Variants in DSCAML1 observed in about 807,000 individuals in gnomAD.
DSCAML1 encodes cell adhesion molecule DSCAML1.
Under a neutral mutation model 200.5 loss-of-function variants are expected in DSCAML1, and 38 were observed. The ratio of observed to expected loss-of-function variants is 0.19; its 90% CI spans 0.15 to 0.25. The LOEUF (loss-of-function observed/expected upper bound fraction) is 0.25, where lower values mean the gene tolerates loss of function less well. Ranked by LOEUF, DSCAML1 falls within the 10% of genes least tolerant of loss-of-function variation. The pLI, the probability that DSCAML1 is intolerant of heterozygous loss-of-function variation, is 1.00. For missense variants in DSCAML1, 2,223 were observed against 2,858.8 expected, an observed-to-expected ratio of 0.78 and a Z score of 5.07; for synonymous variants, 1,215 against 1,165.0, an observed-to-expected ratio of 1.04 and a Z score of -0.87.
At chr11:117,788,789 G>A (rs1043861917) in intron 1 of DSCAML1, among the ~76,000 whole-genome samples, 56 of 152,166 alleles carry the variant, frequency 3.7e-4, no homozygotes, top group African/African-American at 1.3e-3. Context: ...TAATTTCTTG[G>A]TGTTGCACAG....
chr11:117,430,683 G>T (rs376285001), intron 32 of DSCAML1, 39 bp downstream of exon 32: 14 of 1,570,372 alleles, frequency 8.9e-6, no homozygotes, highest in Non-Finnish European at 1.2e-5. Context: ...GGGCCAGGGG[G>T]CGGGGGGGCA....
At chr11:117,430,162 G>T (rs1259774554) in intron 32 of DSCAML1, among the ~76,000 whole-genome samples, 1 of 152,224 alleles carries the variant, frequency 6.6e-6, no homozygotes, top group East Asian at 1.9e-4. Flanking sequence ...AAGGGCATAT[G>T]CTCCGGCCAG....
intron 3 of DSCAML1, among the ~76,000 whole-genome samples, chr11:117,634,637 A>G (rs376179038): frequency 6.6e-6 from 1 of 152,216 alleles, no homozygotes; most frequent in South Asian, 2.1e-4. Context: ...ACAGTAGCTG[A>G]TCCACAGGCT....
intron 3 of DSCAML1, among the ~76,000 whole-genome samples, chr11:117,559,155 G>A (rs1410951434): frequency 1.4e-5 from 2 of 141,760 alleles, no homozygotes; most frequent in Admixed American, 6.9e-5. Context: ...AGAAAGAAAA[G>A]AAAGACACCA....
chr11:117,685,943 T>G (rs895468642), intron 3 of DSCAML1, among the ~76,000 whole-genome samples: 7 of 152,122 alleles, frequency 4.6e-5, no homozygotes, highest in African/African-American at 1.7e-4. Context: ...GGAAAGAGCT[T>G]GGGCCCCTGA....
chr11:117,797,559 C>T (rs2055607400), upstream of DSCAML1, among the ~76,000 whole-genome samples: 1 of 152,230 alleles, frequency 6.6e-6, no homozygotes, highest in Admixed American at 6.5e-5. Flanking sequence ...GGGACACGAG[C>T]TTCCTGCCTC....
chr11:117,623,282 T>A (rs2051977031), intron 3 of DSCAML1, among the ~76,000 whole-genome samples: 1 of 146,226 alleles, frequency 6.8e-6, no homozygotes, highest in Admixed American at 7.3e-5. Flanking sequence ...AGTGGCGTGA[T>A]CTCAGTTCAC....
In DSCAML1 at chr11:117,516,576, G is replaced by T. The variant is rs1441794301; in HGVS notation, c.1674C>A (p.Thr558=). ...NHRQVVFENG[T]LKLTDVQKGM... Reference sequence around the variant, plus strand: ...CCTTCTGCACGTCAGTCAGCTTGAGGGTCCCATTCTCAAACACCACCTGGC... The same window carrying T: ...CCTTCTGCACGTCAGTCAGCTTGAGTGTCCCATTCTCAAACACCACCTGGC... The change falls in exon 8 of 33, where the codon ACC becomes ACA. Residue 558 remains threonine, a synonymous_variant. Coordinates refer to ENST00000651296, the MANE Select transcript of DSCAML1 (RefSeq NM_020693.4). This position sits in a 1 kb window ranked among gnomAD's most constrained non-coding sequence, Gnocchi z 5.7. 6.2e-6 allele frequency: 10 copies of T among 1,614,036 alleles called. No individual in the cohort carries two copies. The highest frequency in any genetic ancestry group is 8.5e-6 in the Non-Finnish European group (10 of 1,180,006).
At chr11:117,715,174 GC>G (rs1296661561) in intron 3 of DSCAML1, among the ~76,000 whole-genome samples, 2 of 151,820 alleles carry the variant, frequency 1.3e-5, no homozygotes, top group Non-Finnish European at 2.9e-5. Flanking sequence ...TTTCTTCAGG[GC>G]TTTTTGGTTT....
Position 117,653,888 on chromosome 11 carries a change from C to T in DSCAML1, c.512-121366G>A, listed in dbSNP as rs566108606. On this transcript the variant is annotated intron_variant, in intron 3 of 32. Coordinates refer to ENST00000651296, the MANE Select transcript of DSCAML1 (RefSeq NM_020693.4). ...AATAAAGTACTGAGAAAGCCAGGTG[C>T]GGTGGCTTGAGCCTATAGTCCTGGC... Among the ~76,000 whole-genome samples, 10 of 152,188 alleles carry T rather than the reference C, an allele frequency of 6.6e-5. No individual in the cohort carries two copies. The East Asian group carries it at 9.7e-4, about 15-fold the overall frequency.
At chr11:117,618,843 G>C (rs2051866049) in intron 3 of DSCAML1, among the ~76,000 whole-genome samples, 1 of 152,094 alleles carries the variant, frequency 6.6e-6, no homozygotes, top group Non-Finnish European at 1.5e-5. Flanking sequence ...CAGCACTTGT[G>C]GGCTTGTCAC....
intron 3 of DSCAML1, among the ~76,000 whole-genome samples, chr11:117,714,892 C>T (rs1292800836): frequency 6.7e-6 from 1 of 149,716 alleles, no homozygotes; most frequent in Non-Finnish European, 1.5e-5. Flanking sequence ...GATGACGCAG[C>T]TGGAAGGAGG....
chr11:117,635,432 C>T (rs934195263), intron 3 of DSCAML1, among the ~76,000 whole-genome samples: 2 of 150,180 alleles, frequency 1.3e-5, no homozygotes, highest in African/African-American at 2.5e-5. Flanking sequence ...AAGTGCAGAA[C>T]GTCCTAGTGT....
chr11:117,758,473 C>T (rs2137885766), intron 3 of DSCAML1, among the ~76,000 whole-genome samples: 1 of 151,974 alleles, frequency 6.6e-6, no homozygotes, highest in South Asian at 2.1e-4. Flanking sequence ...GCGATCTCGG[C>T]TCACTGCAAG....
intron 3 of DSCAML1, among the ~76,000 whole-genome samples, chr11:117,665,076 G>A (rs187297021): frequency 3.2e-4 from 49 of 152,256 alleles, no homozygotes; most frequent in Non-Finnish European, 5.0e-4. Flanking sequence ...ATTTCCTGCC[G>A]AAGTCTGTGC....
intron 32 of DSCAML1, among the ~76,000 whole-genome samples, 159 bp from the exon 33 acceptor site, chr11:117,428,962 T>G (rs2047727071): frequency 6.6e-6 from 1 of 152,146 alleles, no homozygotes; most frequent in Non-Finnish European, 1.5e-5. Flanking sequence ...GGTCGGGTAC[T>G]TGGCCCTTCT....
intron 6 of DSCAML1, among the ~76,000 whole-genome samples, chr11:117,520,805 C>T (rs1271900306): frequency 1.4e-5 from 2 of 144,578 alleles, no homozygotes; most frequent in African/African-American, 4.9e-5. Context: ...TGGTCCCTGC[C>T]CGTAGTCACA....
At chr11:117,770,342 C>G (rs926685826) in intron 3 of DSCAML1, among the ~76,000 whole-genome samples, 1 of 152,158 alleles carries the variant, frequency 6.6e-6, no homozygotes, top group African/African-American at 2.4e-5. Flanking sequence ...GTGACAATCC[C>G]AGCCACTTTT....
At chr11:117,808,834 A>G (rs527930231) in intron 1 of DSCAML1, among the ~76,000 whole-genome samples, 2 of 152,276 alleles carry the variant, frequency 1.3e-5, no homozygotes, top group African/African-American at 2.4e-5. Flanking sequence ...CCCACTTTAC[A>G]TGTTCGCAGC....
Sources: gnomAD v4.1 joint callset for allele counts (sites outside exome capture counted in the v4.1 genomes callset) on GRCh38, gnomAD v4.1.1 for gene constraint, Gnocchi (gnomAD v3.1) non-coding constraint, MANE v1.5 for transcripts, NCBI Gene and HGNC (gene_info 2026-07-23, HGNC 2026-07-21) for gene names.